RGS6: variants seen among roughly 807,000 people sequenced by gnomAD.
RGS6 encodes regulator of G-protein signaling 6.
A neutral mutation model predicts 78.5 loss-of-function variants in RGS6; 30 were observed. The observed-to-expected ratio is 0.38, with a 90% CI of 0.29 to 0.52. RGS6 has a LOEUF of 0.52. Ranked by LOEUF, RGS6 falls within the 20% of genes least tolerant of loss-of-function variation. The probability of loss-of-function intolerance (pLI) is 0.85; values close to 1 mark genes in which losing one functional copy is unlikely to be tolerated. For missense variants in RGS6, 495 were observed against 609.7 expected, an observed-to-expected ratio of 0.81 and a Z score of 1.98; for synonymous variants, 206 against 206.0, an observed-to-expected ratio of 1.00 and a Z score of 0.00.
At chr14:72,005,234 A>AGTC (rs1404121870) in intron 2 of RGS6, among the ~76,000 whole-genome samples, 1 of 152,208 alleles carries the variant, frequency 6.6e-6, no homozygotes, top group Non-Finnish European at 1.5e-5. Context: ...CTTTGAGAAA[A>AGTC]ATATCAGATG....
chr14:71,885,036 G>A, the RGS6 span, among the ~76,000 whole-genome samples: 1 of 152,158 alleles, frequency 6.6e-6, no homozygotes, highest in East Asian at 1.9e-4. Flanking sequence ...TGCAAATGTA[G>A]CAGCTTTCTG....
intron 17 of RGS6, among the ~76,000 whole-genome samples, chr14:72,553,137 C>A (rs1378553898): frequency 1.3e-5 from 2 of 152,242 alleles, no homozygotes; most frequent in African/African-American, 4.8e-5. Flanking sequence ...TAACCATAAG[C>A]TGCAAACCTG....
intron 2 of RGS6, among the ~76,000 whole-genome samples, chr14:72,161,715 A>C (rs1206639547): frequency 6.6e-6 from 1 of 152,234 alleles, no homozygotes; most frequent in Non-Finnish European, 1.5e-5. Context: ...GCTGAACTAC[A>C]GGAGTGTGGA....
chr14:72,033,204 T>C (rs1434494960), intron 2 of RGS6, among the ~76,000 whole-genome samples: 2 of 152,126 alleles, frequency 1.3e-5, no homozygotes, highest in Non-Finnish European at 1.5e-5. Flanking sequence ...GTACCAATAG[T>C]AAAAAACAAA....
intron 3 of RGS6, among the ~76,000 whole-genome samples, chr14:72,383,710 A>G (rs1380498262): frequency 6.6e-6 from 1 of 151,652 alleles, no homozygotes; most frequent in East Asian, 1.9e-4. Flanking sequence ...CTTCTGTTTT[A>G]CTCTTTCTCA....
chr14:72,002,303 G>A (rs1388471703), intron 2 of RGS6, among the ~76,000 whole-genome samples: 2 of 152,146 alleles, frequency 1.3e-5, no homozygotes, highest in East Asian at 3.8e-4. Context: ...ACTAGCCCCA[G>A]ATCACACAGC....
intron 3 of RGS6, among the ~76,000 whole-genome samples, chr14:72,397,526 T>A (rs1451927631): frequency 1.6e-4 from 24 of 152,108 alleles, no homozygotes; most frequent in African/African-American, 2.4e-4. Flanking sequence ...CTTTTCCTAA[T>A]TGAATACCCT....
At position 72,561,458 on chromosome 14, in the gene RGS6, G is replaced by A. The variant is rs74425912; in HGVS notation, c.1423-959G>A. ...CCTCTAAAGCCCTGTGCAATGATGC[G>A]GATTTCTAAAGAGGGTGAGCTGGAG... On this transcript the variant is annotated intron_variant, in intron 17 of 17. Transcript: ENST00000553525. 3.5e-3 allele frequency among the ~76,000 whole-genome samples: 526 copies of A among 152,306 alleles called. 2 individuals are homozygous for A. Among genetic ancestry groups the A allele is most frequent in the Middle Eastern group, 6.8e-3 (2 of 294 alleles).
chr14:72,309,073 T>G (rs2067936389), intron 2 of RGS6, among the ~76,000 whole-genome samples: 1 of 152,216 alleles, frequency 6.6e-6, no homozygotes, highest in Admixed American at 6.5e-5. Flanking sequence ...TATTTTTAGC[T>G]CCTCTGTATA....
At chr14:72,190,545 C>T (rs1166387346) in intron 2 of RGS6, among the ~76,000 whole-genome samples, 1 of 152,226 alleles carries the variant, frequency 6.6e-6, no homozygotes, top group Admixed American at 6.5e-5. Context: ...TGGAAAGTCA[C>T]TGGGGTAATG....
At chr14:72,477,946 A>T (rs1385080106) in intron 11 of RGS6, among the ~76,000 whole-genome samples, 1 of 152,184 alleles carries the variant, frequency 6.6e-6, no homozygotes, top group Non-Finnish European at 1.5e-5. Context: ...ACAGGTATTT[A>T]TGGGGCACAT....
chr14:71,919,195 G>A, the RGS6 span, among the ~76,000 whole-genome samples: 1 of 152,172 alleles, frequency 6.6e-6, no homozygotes, highest in Admixed American at 6.5e-5. Flanking sequence ...GCCTCAGAGG[G>A]GGAGAAGAGC....
chr14:72,470,789 G>T (rs1337544130), intron 8 of RGS6, among the ~76,000 whole-genome samples: 3 of 150,436 alleles, frequency 2.0e-5, no homozygotes, highest in African/African-American at 7.3e-5. Context: ...TGAGGCAGGA[G>T]AATTGCTTGA....
At chr14:72,193,142 C>T (rs1031561756) in intron 2 of RGS6, among the ~76,000 whole-genome samples, 39 of 152,236 alleles carry the variant, frequency 2.6e-4, no homozygotes, top group African/African-American at 9.4e-4. Flanking sequence ...TACAGACATG[C>T]ACCACCACAC....
At chr14:72,135,199 G>A (rs781292405) in intron 2 of RGS6, among the ~76,000 whole-genome samples, 2 of 152,170 alleles carry the variant, frequency 1.3e-5, no homozygotes, top group Non-Finnish European at 2.9e-5. Context: ...TAGGGTCAGT[G>A]TCTTGGGTTC....
At chr14:72,535,369 C>T (rs1169255745) in intron 15 of RGS6, among the ~76,000 whole-genome samples, 1 of 152,174 alleles carries the variant, frequency 6.6e-6, no homozygotes. Context: ...GACCCAATTG[C>T]ATTATTGCCT....
rs141593974 is a variant in RGS6 at position 72,121,401 on chromosome 14, G to C, written c.84+156526G>C. Among the ~76,000 whole-genome samples, 376 of 152,302 alleles carry C rather than the reference G, an allele frequency of 2.5e-3. 1 individual carries two copies. Among genetic ancestry groups the C allele is most frequent in the African/African-American group, 8.6e-3 (356 of 41,562 alleles). On this transcript the variant is annotated intron_variant, in intron 2 of 17. Transcript: ENST00000553525. Reference sequence around the variant, plus strand: ...GAATGAGACAGGGGAGAAGACACCAGTGGCTTCCATTGTAGGCCTGTCTAC... The same window carrying C: ...GAATGAGACAGGGGAGAAGACACCACTGGCTTCCATTGTAGGCCTGTCTAC...
At chr14:71,986,718 A>C (rs969668863) in intron 2 of RGS6, among the ~76,000 whole-genome samples, 3 of 152,304 alleles carry the variant, frequency 2.0e-5, no homozygotes, top group African/African-American at 7.2e-5. Context: ...CTCAAAAAAC[A>C]AAAAACCAAG....
intron 14 of RGS6, among the ~76,000 whole-genome samples, chr14:72,513,380 G>A (rs1385020968): frequency 6.6e-6 from 1 of 152,180 alleles, no homozygotes; most frequent in East Asian, 1.9e-4. Flanking sequence ...TCTGTGAGAT[G>A]AGGGTGGGGG....
Sources: gnomAD v4.1 joint callset for allele counts (sites outside exome capture counted in the v4.1 genomes callset) on GRCh38, gnomAD v4.1.1 for gene constraint, MANE v1.5 for transcripts, NCBI Gene and HGNC (gene_info 2026-07-23, HGNC 2026-07-21) for gene names.